FTCDNL1: variants seen among roughly 807,000 people sequenced by gnomAD.
FTCDNL1 encodes the protein formiminotransferase cyclodeaminase N-terminal like.
FTCDNL1 carries 11 observed loss-of-function variants against 5.9 expected under a neutral mutation model. The ratio of observed to expected loss-of-function variants is 1.87; its 90% CI spans 1.18 to 3.10. The LOEUF is 3.10. Among genes scored for constraint, FTCDNL1 ranks in the 30% most tolerant of loss-of-function variants. FTCDNL1 has a pLI of 0.00. For synonymous variants in FTCDNL1, 58 were observed against 24.8 expected, an observed-to-expected ratio of 2.34 and a Z score of -3.99; for missense variants, 115 against 65.5, an observed-to-expected ratio of 1.76 and a Z score of -2.61.
chr2:199,776,925 T>TATAG (rs1553537479), intron 3 of FTCDNL1, among the ~76,000 whole-genome samples: 1 of 144,928 alleles, frequency 6.9e-6, no homozygotes, highest in Non-Finnish European at 1.5e-5. Context: ...TGTATATATA[T>TATAG]ATACACACAC....
chr2:199,822,326 C>T (rs1305571081), intron 3 of FTCDNL1, among the ~76,000 whole-genome samples: 3 of 152,248 alleles, frequency 2.0e-5, no homozygotes, highest in Non-Finnish European at 4.4e-5. Context: ...ATCACTTGAG[C>T]CTGGAAGGTC....
chr2:199,769,957 A>G (rs1264024794), intron 3 of FTCDNL1, among the ~76,000 whole-genome samples: 1 of 151,448 alleles, frequency 6.6e-6, no homozygotes, highest in Admixed American at 6.6e-5. Flanking sequence ...CCCAAATCCT[A>G]TCTATCCTCT....
the FTCDNL1 span, among the ~76,000 whole-genome samples, chr2:199,691,785 C>T: frequency 4.6e-5 from 7 of 152,246 alleles, no homozygotes; most frequent in East Asian, 1.4e-3. Flanking sequence ...TCTTCCTCTA[C>T]ACTACAGATG....
the FTCDNL1 span, among the ~76,000 whole-genome samples, chr2:199,716,343 G>A: frequency 1.2e-4 from 19 of 152,238 alleles, no homozygotes; most frequent in South Asian, 1.5e-3. Context: ...TGATGAGCCC[G>A]AAGCTTTAGA....
the FTCDNL1 span, among the ~76,000 whole-genome samples, chr2:199,755,050 A>C: frequency 6.6e-6 from 1 of 152,128 alleles, no homozygotes; most frequent in Non-Finnish European, 1.5e-5. Context: ...CCCACAACTA[A>C]CTTCAGAGTT....
At chr2:199,802,390 A>G (rs942156030) in intron 3 of FTCDNL1, among the ~76,000 whole-genome samples, 1 of 152,200 alleles carries the variant, frequency 6.6e-6, no homozygotes, top group Admixed American at 6.5e-5. Flanking sequence ...AACAAACAAC[A>G]TCAATAAAAC....
the FTCDNL1 span, among the ~76,000 whole-genome samples, chr2:199,706,137 A>T: frequency 3.3e-5 from 5 of 152,150 alleles, no homozygotes; most frequent in African/African-American, 7.2e-5. Flanking sequence ...CAAAAGAGTG[A>T]TACCTCCTTT....
chr2:199,714,212 A>G, the FTCDNL1 span, among the ~76,000 whole-genome samples: 27 of 152,212 alleles, frequency 1.8e-4, no homozygotes, highest in Non-Finnish European at 3.5e-4. Flanking sequence ...AACAATGAGG[A>G]TAGGCTCCAG....
At chr2:199,755,460 C>A in the FTCDNL1 span, among the ~76,000 whole-genome samples, 37 of 152,320 alleles carry the variant, frequency 2.4e-4, no homozygotes, top group Admixed American at 5.2e-4. Context: ...TGCATCTAGC[C>A]TTGAACTCTA....
chr2:199,766,202 T>C (rs1183855918), intron 3 of FTCDNL1, among the ~76,000 whole-genome samples: 1 of 152,246 alleles, frequency 6.6e-6, no homozygotes, highest in Non-Finnish European at 1.5e-5. Context: ...TTGCACACAG[T>C]ATTAAATTGT....
At chr2:199,835,952 C>T (rs1702706147) in intron 3 of FTCDNL1, among the ~76,000 whole-genome samples, 1 of 152,174 alleles carries the variant, frequency 6.6e-6, no homozygotes, top group Non-Finnish European at 1.5e-5. Context: ...TGGTTTAACA[C>T]TGAGTGTCTT....
chr2:199,766,748 A>G (rs902204315), intron 3 of FTCDNL1, among the ~76,000 whole-genome samples: 3 of 152,186 alleles, frequency 2.0e-5, no homozygotes, highest in Admixed American at 6.5e-5. Context: ...CTATGTATGC[A>G]GATAGTAAAG....
the FTCDNL1 span, among the ~76,000 whole-genome samples, chr2:199,720,430 G>C: frequency 6.6e-6 from 1 of 152,186 alleles, no homozygotes; most frequent in Non-Finnish European, 1.5e-5. Context: ...TTACCACAAA[G>C]TAGGCAGCTT....
chr2:199,715,598 T>G, the FTCDNL1 span, among the ~76,000 whole-genome samples: 1 of 152,212 alleles, frequency 6.6e-6, no homozygotes, highest in Non-Finnish European at 1.5e-5. Flanking sequence ...TCTCGGGTAT[T>G]TCTTTACAGC....
chr2:199,842,056 C>G (rs1490662695), intron 3 of FTCDNL1, among the ~76,000 whole-genome samples: 1 of 151,276 alleles, frequency 6.6e-6, no homozygotes, highest in Non-Finnish European at 1.5e-5. Flanking sequence ...GTCAGGAGTT[C>G]AAGACTAGCC....
chr2:199,781,647 G>C (rs1391269514), intron 3 of FTCDNL1, among the ~76,000 whole-genome samples: 1 of 152,136 alleles, frequency 6.6e-6, no homozygotes, highest in Admixed American at 6.5e-5. Context: ...ACATTCTCTT[G>C]TTCACTCCAG....
the FTCDNL1 span, among the ~76,000 whole-genome samples, chr2:199,735,342 G>C: frequency 2.6e-5 from 4 of 152,138 alleles, no homozygotes; most frequent in African/African-American, 9.7e-5. Flanking sequence ...CTGTGCTTTG[G>C]TACAAGCGCA....
chr2:199,730,696 G>A, the FTCDNL1 span, among the ~76,000 whole-genome samples: 6 of 152,238 alleles, frequency 3.9e-5, no homozygotes, highest in East Asian at 1.2e-3. Flanking sequence ...GGAAACAACA[G>A]ATGCTGGCAA....
At chr2:199,719,654 A>C in the FTCDNL1 span, among the ~76,000 whole-genome samples, 83 of 148,972 alleles carry the variant, frequency 5.6e-4, no homozygotes, top group African/African-American at 2.0e-3. Context: ...TGTTGTTTTT[A>C]GACAGGGTCT....
Sources: gnomAD v4.1 joint callset for allele counts (sites outside exome capture counted in the v4.1 genomes callset) on GRCh38, gnomAD v4.1.1 for gene constraint, MANE v1.5 for transcripts, NCBI Gene and HGNC (gene_info 2026-07-23, HGNC 2026-07-21) for gene names.